HMOX2: variants seen among roughly 807,000 people sequenced by gnomAD.
HMOX2 encodes heme oxygenase 2.
Under a neutral mutation model 33.7 loss-of-function variants are expected in HMOX2, and 30 were observed. The observed-to-expected ratio is 0.89, with a 90% CI of 0.67 to 1.21. The LOEUF is 1.21. HMOX2 is among the 50% of genes most tolerant of loss of function. The pLI, the probability that HMOX2 is intolerant of heterozygous loss-of-function variation, is 0.00. For synonymous variants in HMOX2, 155 were observed against 155.0 expected (o/e 1.00, Z 0.00); for missense variants, 403 against 399.1 (o/e 1.01, Z -0.08).
At chr16:4,508,486 C>T (rs1389895042) in intron 4 of HMOX2, among the ~76,000 whole-genome samples, 1 of 152,200 alleles carries the variant, frequency 6.6e-6, no homozygotes, top group Non-Finnish European at 1.5e-5. Context: ...CTTCCTCCCT[C>T]ATTGCAGGAT....
intron 1 of HMOX2, among the ~76,000 whole-genome samples, chr16:4,484,456 T>C (rs2141529319): frequency 1.4e-5 from 2 of 141,926 alleles, no homozygotes; most frequent in Admixed American, 1.4e-4. Context: ...GTTTCTTTTC[T>C]TTTCTTTTTT....
At chr16:4,507,482 A>G (rs1472036132) in intron 3 of HMOX2, among the ~76,000 whole-genome samples, 1 of 152,016 alleles carries the variant, frequency 6.6e-6, no homozygotes, top group Non-Finnish European at 1.5e-5. Flanking sequence ...CATGGCTTAG[A>G]TAGAATAACA....
chr16:4,498,793 TA>T (rs1320771498), intron 1 of HMOX2, among the ~76,000 whole-genome samples: 12 of 152,246 alleles, frequency 7.9e-5, no homozygotes, highest in Non-Finnish European at 1.6e-4. Context: ...TGAGGAATGG[TA>T]GTACCAGAGT....
intron 1 of HMOX2, among the ~76,000 whole-genome samples, chr16:4,484,446 G>C (rs1260033481): frequency 6.8e-6 from 1 of 146,236 alleles, no homozygotes; most frequent in Admixed American, 6.8e-5. Context: ...GGATGCTCAA[G>C]TTTCTTTTCT....
intron 1 of HMOX2, among the ~76,000 whole-genome samples, chr16:4,478,006 A>C (rs1265984509): frequency 6.6e-6 from 1 of 152,222 alleles, no homozygotes; most frequent in Non-Finnish European, 1.5e-5. Context: ...TTACTTGGTG[A>C]AATTAGAAAA....
At chr16:4,498,975 A>G (rs1227075570) in intron 1 of HMOX2, among the ~76,000 whole-genome samples, 1 of 152,194 alleles carries the variant, frequency 6.6e-6, no homozygotes, top group African/African-American at 2.4e-5. Context: ...CTCCAGTGGC[A>G]TCTGCAATGT....
intron 1 of HMOX2, among the ~76,000 whole-genome samples, chr16:4,504,888 C>T (rs1003745880): frequency 6.6e-5 from 10 of 150,482 alleles, no homozygotes; most frequent in South Asian, 4.2e-4. Context: ...CAGGGTTTCA[C>T]CATGTTAACC....
chr16:4,482,854 C>T (rs2058065022), intron 1 of HMOX2, among the ~76,000 whole-genome samples: 1 of 151,978 alleles, frequency 6.6e-6, no homozygotes, highest in African/African-American at 2.4e-5. Flanking sequence ...GTGGTGAAAC[C>T]CCATTTCTAG....
chr16:4,482,258 GA>G (rs1461748906), intron 1 of HMOX2, among the ~76,000 whole-genome samples: 1 of 152,120 alleles, frequency 6.6e-6, no homozygotes, highest in Non-Finnish European at 1.5e-5. Context: ...CCCAGAAGGG[GA>G]AAAATATGCT....
chr16:4,492,590 G>A (rs747994725), intron 1 of HMOX2, among the ~76,000 whole-genome samples: 1 of 151,934 alleles, frequency 6.6e-6, no homozygotes, highest in African/African-American at 2.4e-5. Context: ...GTGGTGGCAC[G>A]TGCCTGTAAT....
Position 4,509,659 on chromosome 16 carries a change from G to C in HMOX2, c.854G>C (p.Arg285Pro). 6.2e-7 allele frequency: 1 copy of C among 1,613,992 alleles called. No homozygotes were observed. The highest frequency in any genetic ancestry group is 8.5e-7 in the Non-Finnish European group (1 of 1,179,892). Residue 285 changes from arginine to proline, a missense_variant, in exon 6 of 6, where the codon CGA becomes CCA. Physicochemically the swap from Arg to Pro is moderately radical, Grantham distance 103. Coordinates refer to ENST00000570646, the MANE Select transcript of HMOX2 (RefSeq NM_002134.4). ...CTGGAGGGCAGCAGCTGTCCCTTCC[G>C]AACAGCTATGGCTGTGCTGAGGAAG... is the stretch of plus-strand genomic sequence containing the variant. ...GALEGSSCPF[R>P]TAMAVLRKPS...
intron 1 of HMOX2, among the ~76,000 whole-genome samples, chr16:4,492,554 C>T (rs893621594): frequency 2.6e-5 from 4 of 151,446 alleles, no homozygotes; most frequent in Non-Finnish European, 5.9e-5. Context: ...CCCATCTCTA[C>T]TAAAAATACA....
chr16:4,508,247 C>CT, intron 4 of HMOX2, 43 bp downstream of exon 4: 1 of 1,557,446 alleles, frequency 6.4e-7, no homozygotes, highest in East Asian at 2.2e-5. Flanking sequence ...AAGAGGGAAA[C>CT]TTTGACAGTG....
At chr16:4,487,883 G>A (rs1276311733) in intron 1 of HMOX2, among the ~76,000 whole-genome samples, 6 of 150,754 alleles carry the variant, frequency 4.0e-5, no homozygotes, top group Middle Eastern at 3.4e-3. Flanking sequence ...CCCGGGAGGC[G>A]GAGGTTGCGG....
intron 1 of HMOX2, among the ~76,000 whole-genome samples, chr16:4,483,973 A>T (rs1400208177): frequency 5.1e-4 from 63 of 124,660 alleles, no homozygotes; most frequent in East Asian, 1.9e-3. Flanking sequence ...ATGCCCAAAA[A>T]TTTTTTTTTT....
chr16:4,492,180 C>T (rs1415732915), intron 1 of HMOX2, among the ~76,000 whole-genome samples: 1 of 151,748 alleles, frequency 6.6e-6, no homozygotes, highest in East Asian at 1.9e-4. Flanking sequence ...CTACAAAATA[C>T]TTTTTAAAAT....
intron 2 of HMOX2, 98 bp from the exon 3 acceptor site, chr16:4,506,797 G>A (rs2058703963): frequency 2.5e-6 from 2 of 812,606 alleles, no homozygotes; most frequent in Middle Eastern, 2.5e-4. Context: ...TACAACAGGT[G>A]GTCACCTTGG....
At position 4,508,179 on chromosome 16, in the gene HMOX2, A is replaced by G. The variant is rs768081169; in HGVS notation, c.671A>G (p.Asn224Ser). 23 of 1,611,844 alleles carry G rather than the reference A, an allele frequency of 1.4e-5. No individual in the cohort carries two copies. The highest frequency in any genetic ancestry group is 1.3e-4 in the South Asian group (12 of 90,862). The change falls in exon 4 of 6, where the codon AAC becomes AGC. Residue 224 changes from asparagine (N) to serine (S), a missense_variant. By Grantham distance (46) the Asn-to-Ser change is conservative. Transcript: ENST00000570646. ...AAAGAGAGGATCGTGGAGGAGGCCAACAAGGCTTTTGAGTATAACATGCAG... is the reference window on the plus strand; with the variant it reads ...AAAGAGAGGATCGTGGAGGAGGCCAGCAAGGCTTTTGAGTATAACATGCAG... ...KTKERIVEEANKAFEYNMQIF... is the reference protein window; with the variant it reads ...KTKERIVEEASKAFEYNMQIF...
chr16:4,484,523 C>T lies in HMOX2; in HGVS notation c.-42+8036C>T, dbSNP rs141437685. On this transcript the variant is annotated intron_variant, in intron 1 of 5. Coordinates refer to ENST00000570646, the MANE Select transcript of HMOX2 (RefSeq NM_002134.4). Reference sequence around the variant, plus strand: ...TCACCCAGGCTGGAGTGCAGTGGTACGATTTCGGCTCACTGCAATCTCCAC... The same window carrying T: ...TCACCCAGGCTGGAGTGCAGTGGTATGATTTCGGCTCACTGCAATCTCCAC... 2.2e-3 allele frequency among the ~76,000 whole-genome samples: 313 copies of T among 144,186 alleles called. 2 individuals carry two copies. The highest frequency in any genetic ancestry group is 0.01 in the East Asian group (50 of 4,912). 94.6% of individuals were successfully genotyped at this position (144,186 alleles called of 152,430 possible).
Sources: gnomAD v4.1 joint callset for allele counts (sites outside exome capture counted in the v4.1 genomes callset) on GRCh38, gnomAD v4.1.1 for gene constraint, MANE v1.5 for transcripts, NCBI Gene and HGNC (gene_info 2026-07-23, HGNC 2026-07-21) for gene names.